Variants in GPR39 observed in about 807,000 individuals in gnomAD.
GPR39 encodes zinc sensing receptor.
Under a neutral mutation model 18.4 loss-of-function variants are expected in GPR39, and 23 were observed. The observed-to-expected ratio is 1.25, with a 90% confidence interval of 0.90 to 1.77. The LOEUF is 1.77. GPR39 is among the 40% of genes most tolerant of loss of function. GPR39 has a pLI of 0.00. For missense variants in GPR39, 647 were observed against 602.4 expected, an observed-to-expected ratio of 1.07 and a Z score of -0.78; for synonymous variants, 280 against 257.9, an observed-to-expected ratio of 1.09 and a Z score of -0.82.
chr2:132,439,017 T>A (rs1442183863), intron 1 of GPR39, among the ~76,000 whole-genome samples: 2 of 152,228 alleles, frequency 1.3e-5, no homozygotes, highest in African/African-American at 4.8e-5. Flanking sequence ...GGAGCCCTGA[T>A]GCTATTCATA....
intron 1 of GPR39, among the ~76,000 whole-genome samples, chr2:132,492,006 T>C (rs1168643046): frequency 6.6e-6 from 1 of 151,142 alleles, no homozygotes; most frequent in East Asian, 1.9e-4. Context: ...AAAGTAATTA[T>C]ATATATATAC....
At chr2:132,599,295 T>C (rs992615616) in intron 1 of GPR39, among the ~76,000 whole-genome samples, 2 of 152,242 alleles carry the variant, frequency 1.3e-5, no homozygotes, top group Non-Finnish European at 2.9e-5. Flanking sequence ...ATTTCAAAGA[T>C]GCTTCTGCTT....
intron 1 of GPR39, among the ~76,000 whole-genome samples, chr2:132,509,676 C>T (rs922312987): frequency 3.9e-5 from 6 of 152,152 alleles, no homozygotes; most frequent in Non-Finnish European, 8.8e-5. Context: ...TATAATGACC[C>T]CTGCCTCACA....
intron 1 of GPR39, among the ~76,000 whole-genome samples, chr2:132,464,539 A>G (rs1199021332): frequency 2.0e-5 from 3 of 152,216 alleles, no homozygotes; most frequent in Non-Finnish European, 4.4e-5. Flanking sequence ...GCCCACATTA[A>G]AAACCTTCAG....
At chr2:132,540,888 G>A (rs916629325) in intron 1 of GPR39, among the ~76,000 whole-genome samples, 4 of 151,948 alleles carry the variant, frequency 2.6e-5, no homozygotes, top group Non-Finnish European at 4.4e-5. Context: ...AAGAATCTCT[G>A]TAAAACCTGG....
intron 1 of GPR39, among the ~76,000 whole-genome samples, chr2:132,447,425 T>C (rs1680556000): frequency 6.6e-6 from 1 of 152,228 alleles, no homozygotes; most frequent in Non-Finnish European, 1.5e-5. Context: ...GAATGCTTCA[T>C]GTATTTTCCT....
At chr2:132,471,874 A>G (rs1198071398) in intron 1 of GPR39, among the ~76,000 whole-genome samples, 1 of 152,074 alleles carries the variant, frequency 6.6e-6, no homozygotes, top group East Asian at 1.9e-4. Flanking sequence ...TTTGCTCAGG[A>G]TTTCCAACAA....
chr2:132,422,189 A>G (rs960165901), intron 1 of GPR39, among the ~76,000 whole-genome samples: 10 of 152,154 alleles, frequency 6.6e-5, no homozygotes, highest in African/African-American at 2.4e-4. Flanking sequence ...TGTTATTTAA[A>G]TCACCCTCAT....
intron 1 of GPR39, among the ~76,000 whole-genome samples, chr2:132,643,677 G>A (rs1681915303): frequency 6.6e-6 from 1 of 152,168 alleles, no homozygotes; most frequent in African/African-American, 2.4e-5. Flanking sequence ...GTACCACCAT[G>A]CCTGGCTAAG....
intron 1 of GPR39, among the ~76,000 whole-genome samples, chr2:132,575,985 A>G (rs1350223819): frequency 6.6e-6 from 1 of 152,144 alleles, no homozygotes; most frequent in Non-Finnish European, 1.5e-5. Flanking sequence ...TGAACCAGGA[A>G]GTGGGCCCTC....
chr2:132,464,887 G>A (rs1484219034), intron 1 of GPR39, among the ~76,000 whole-genome samples: 1 of 152,138 alleles, frequency 6.6e-6, no homozygotes, highest in Non-Finnish European at 1.5e-5. Flanking sequence ...ATGAAGATGG[G>A]AGCCAATTCC....
At chr2:132,505,315 G>A (rs965336367) in intron 1 of GPR39, among the ~76,000 whole-genome samples, 7 of 152,080 alleles carry the variant, frequency 4.6e-5, no homozygotes, top group Non-Finnish European at 7.4e-5. Flanking sequence ...GTGATATTTT[G>A]TTGCATGCAT....
chr2:132,448,332 A>C (rs541795766), intron 1 of GPR39, among the ~76,000 whole-genome samples: 1 of 152,334 alleles, frequency 6.6e-6, no homozygotes, highest in South Asian at 2.1e-4. Context: ...CTTGCTAGCC[A>C]AGCAGGAAGT....
chr2:132,418,016 T>C, intron 1 of GPR39, 118 bp downstream of exon 1: 1 of 1,282,102 alleles, frequency 7.8e-7, no homozygotes, highest in Non-Finnish European at 1.1e-6. Flanking sequence ...CACTTAAGTT[T>C]ACTAAGGTGG....
intron 1 of GPR39, among the ~76,000 whole-genome samples, chr2:132,501,511 T>G (rs1171472372): frequency 6.6e-6 from 1 of 152,170 alleles, no homozygotes; most frequent in African/African-American, 2.4e-5. Context: ...TGGTCTATCT[T>G]GTAGAATGTT....
chr2:132,444,033 C>T (rs1680484455), intron 1 of GPR39, among the ~76,000 whole-genome samples: 1 of 152,126 alleles, frequency 6.6e-6, no homozygotes, highest in Admixed American at 6.5e-5. Context: ...CATGATTGCC[C>T]CACTGCACTC....
At chr2:132,508,492 G>A (rs2104756317) in intron 1 of GPR39, among the ~76,000 whole-genome samples, 2 of 152,128 alleles carry the variant, frequency 1.3e-5, no homozygotes, top group South Asian at 4.2e-4. Context: ...AATGCTCAGG[G>A]TCCTCAGAAG....
At chr2:132,608,989 T>A (rs1681190877) in intron 1 of GPR39, among the ~76,000 whole-genome samples, 1 of 152,090 alleles carries the variant, frequency 6.6e-6, no homozygotes, top group South Asian at 2.1e-4. Flanking sequence ...AATAAATAGA[T>A]GGACAAACAA....
At chr2:132,573,200 G>T (rs1363236473) in intron 1 of GPR39, among the ~76,000 whole-genome samples, 3 of 152,204 alleles carry the variant, frequency 2.0e-5, no homozygotes, top group Non-Finnish European at 4.4e-5. Flanking sequence ...AACAGACTAT[G>T]TTGGGAAATC....
Sources: gnomAD v4.1 joint callset for allele counts (sites outside exome capture counted in the v4.1 genomes callset) on GRCh38, gnomAD v4.1.1 for gene constraint, MANE v1.5 for transcripts, NCBI Gene and HGNC (gene_info 2026-07-23, HGNC 2026-07-21) for gene names.